LGSN: variants seen among roughly 807,000 people sequenced by gnomAD.
LGSN encodes the protein lengsin, lens protein with glutamine synthetase domain.
A neutral mutation model predicts 19.5 loss-of-function variants in LGSN; 21 were observed. That is an observed-to-expected ratio of 1.07 (90% confidence interval 0.76 to 1.55). The LOEUF (loss-of-function observed/expected upper bound fraction) is 1.55, where lower values mean the gene tolerates loss of function less well. LGSN is among the 40% of genes most tolerant of loss of function. The pLI, the probability that LGSN is intolerant of heterozygous loss-of-function variation, is 0.00. For synonymous variants in LGSN, 257 were observed against 215.6 expected, an observed-to-expected ratio of 1.19 and a Z score of -1.68; for missense variants, 673 against 608.5, an observed-to-expected ratio of 1.11 and a Z score of -1.12.
chr6:63,573,190 C>T, the LGSN span: 2 of 153,606 alleles, frequency 1.3e-5, no homozygotes, highest in East Asian at 1.9e-4. Context: ...AGTGGCTGCA[C>T]TGGGAGCGGG....
At chr6:63,452,653 T>TTCTCTCTCTCTC in the LGSN span, among the ~76,000 whole-genome samples, 67 of 147,956 alleles carry the variant, frequency 4.5e-4, no homozygotes, top group East Asian at 1.8e-3. Context: ...TATGTTATCT[T>TTCTCTCTCTCTC]TCTCTCTCTC....
chr6:63,379,687 C>T, the LGSN span, among the ~76,000 whole-genome samples: 3,030 of 152,248 alleles, frequency 0.02, 115 homozygotes, highest in African/African-American at 0.07. Flanking sequence ...GTTAAAAATA[C>T]AGAGTCTTAG....
chr6:63,467,704 G>GT, the LGSN span, among the ~76,000 whole-genome samples: 1 of 131,292 alleles, frequency 7.6e-6, no homozygotes, highest in African/African-American at 2.6e-5. Flanking sequence ...TTGTTTGTTT[G>GT]TTTTTGAGAC....
the LGSN span, among the ~76,000 whole-genome samples, chr6:63,500,429 T>C: frequency 6.6e-6 from 1 of 151,294 alleles, no homozygotes; most frequent in Non-Finnish European, 1.5e-5. Flanking sequence ...TTTAATTAAT[T>C]TTTTTTTTTG....
chr6:63,526,507 AT>A, the LGSN span, among the ~76,000 whole-genome samples: 1 of 149,832 alleles, frequency 6.7e-6, no homozygotes. Context: ...GAACAAAAAT[AT>A]TTTTTTAAAA....
chr6:63,412,567 A>G, the LGSN span, among the ~76,000 whole-genome samples: 1,539 of 121,164 alleles, frequency 0.013, 48 homozygotes, highest in African/African-American at 0.029. Flanking sequence ...AGAAAGAAAG[A>G]AAGGAAGGAA....
chr6:63,364,722 T>C, the LGSN span, among the ~76,000 whole-genome samples: 49 of 145,828 alleles, frequency 3.4e-4, no homozygotes, highest in Non-Finnish European at 5.7e-4. Flanking sequence ...AGAACAGAAA[T>C]TACAAAAAAC....
chr6:63,302,822 C>A (rs1768237252), intron 1 of LGSN, among the ~76,000 whole-genome samples: 2 of 152,154 alleles, frequency 1.3e-5, no homozygotes, highest in East Asian at 1.9e-4. Flanking sequence ...ATTAAAACTG[C>A]CATCATTGAA....
At chr6:63,398,620 T>G in the LGSN span, among the ~76,000 whole-genome samples, 1 of 152,132 alleles carries the variant, frequency 6.6e-6, no homozygotes, top group Admixed American at 6.5e-5. Context: ...AAAATTATAG[T>G]AAGCTAAGGT....
chr6:63,511,357 G>A, the LGSN span, among the ~76,000 whole-genome samples: 2 of 150,942 alleles, frequency 1.3e-5, no homozygotes, highest in East Asian at 2.0e-4. Flanking sequence ...ATGTTCAAGC[G>A]ATTCTTCTGC....
At chr6:63,434,306 G>T in the LGSN span, among the ~76,000 whole-genome samples, 1 of 151,264 alleles carries the variant, frequency 6.6e-6, no homozygotes, top group African/African-American at 2.4e-5. Flanking sequence ...CAGACATGGT[G>T]GTGGGCGCCT....
Position 63,276,758 on chromosome 6 carries a change from AT to A in LGSN, c.*3262del. ...AGGCTTAGCACACAAATGGTGCTCA[AT>A]AAGTGCTGCTGAATGAATGTCTGAC... On this transcript the variant is annotated 3_prime_UTR_variant, in exon 4 of 4. Coordinates refer to ENST00000370657, the MANE Select transcript of LGSN (RefSeq NM_016571.3). 1 of 152,366 alleles carries A rather than the reference AT, an allele frequency of 6.6e-6. No homozygotes were observed. The highest frequency in any genetic ancestry group is 3.4e-3 in the Middle Eastern group (1 of 294). 9.4% of individuals were successfully genotyped at this position (152,366 alleles called of 1,614,324 possible).
the LGSN span, chr6:63,395,059 G>C: frequency 2.6e-5 from 4 of 156,174 alleles, no homozygotes; most frequent in Middle Eastern, 1.6e-3. Context: ...AGAAAGTGTG[G>C]GGCTGCCTGC....
chr6:63,362,877 T>C, the LGSN span, among the ~76,000 whole-genome samples: 2 of 152,224 alleles, frequency 1.3e-5, no homozygotes, highest in African/African-American at 4.8e-5. Flanking sequence ...GTTTGAGATC[T>C]GAAAACGGAC....
At chr6:63,458,807 C>T in the LGSN span, among the ~76,000 whole-genome samples, 3 of 152,212 alleles carry the variant, frequency 2.0e-5, no homozygotes, top group South Asian at 2.1e-4. Context: ...CAGTAAAACA[C>T]GAATCAAATA....
the LGSN span, among the ~76,000 whole-genome samples, chr6:63,440,579 C>T: frequency 8.5e-5 from 13 of 152,282 alleles, no homozygotes; most frequent in African/African-American, 2.9e-4. Context: ...ACAGCTATGA[C>T]TGCCTGTTTC....
At chr6:63,340,112 A>G in the LGSN span, among the ~76,000 whole-genome samples, 3 of 151,978 alleles carry the variant, frequency 2.0e-5, no homozygotes, top group Admixed American at 6.6e-5. Flanking sequence ...CTCCTGGCCT[A>G]TAAGATATAT....
At chr6:63,564,718 T>C in the LGSN span, among the ~76,000 whole-genome samples, 1 of 152,238 alleles carries the variant, frequency 6.6e-6, no homozygotes, top group African/African-American at 2.4e-5. Context: ...CAGTTCAGAC[T>C]GTGGCATAAT....
the LGSN span, among the ~76,000 whole-genome samples, chr6:63,543,174 G>T: frequency 2.0e-5 from 3 of 152,076 alleles, no homozygotes; most frequent in African/African-American, 7.2e-5. Context: ...CATGTGCTAG[G>T]GTGTCTCATG....
Sources: allele counts gnomAD v4.1 joint callset (sites outside exome capture counted in the v4.1 genomes callset), GRCh38; gene constraint gnomAD v4.1.1; transcripts MANE v1.5; gene names NCBI Gene and HGNC (gene_info 2026-07-23, HGNC 2026-07-21).